ASB18: variants seen among roughly 807,000 people sequenced by gnomAD.
ASB18 encodes ankyrin repeat and SOCS box protein 18.
Under a neutral mutation model 33.4 loss-of-function variants are expected in ASB18, and 33 were observed. The ratio of observed to expected loss-of-function variants is 0.99; its 90% CI spans 0.75 to 1.32. The LOEUF (loss-of-function observed/expected upper bound fraction) is 1.32, where lower values mean the gene tolerates loss of function less well. Ranked by LOEUF, ASB18 falls within the 40% of genes most tolerant of loss-of-function variation. The probability of loss-of-function intolerance (pLI) is 0.00; values close to 1 mark genes in which losing one functional copy is unlikely to be tolerated. For missense variants in ASB18, 694 were observed against 655.5 expected, an observed-to-expected ratio of 1.06 and a Z score of -0.64; for synonymous variants, 295 against 307.6, an observed-to-expected ratio of 0.96 and a Z score of 0.43.
In ASB18 at chr2:236,214,647, G is replaced by A. The variant is rs1426370635; in HGVS notation, c.816C>T (p.Cys272=). 3.4e-6 allele frequency: 4 copies of A among 1,162,810 alleles called. No homozygotes were observed. The highest frequency in any genetic ancestry group is 3.3e-5 in the African/African-American group (2 of 60,944). The allele number at this position is 1,162,810 out of a possible 1,614,324, so 72.0% of individuals were successfully genotyped here. A position where few individuals can be genotyped will look rare whatever the true frequency, so the allele number is the denominator to read the frequency against. ...GCAGCAGCAGCGCGCACAGGCGCAG[G>A]CAGCGCCCGTGCTCGTCGGGCCTCC... ...AARRPDEHGR[C]LRLCALLLRR... Residue 272 remains cysteine (C), a synonymous_variant, in exon 4 of 6, where the codon TGC becomes TGT. Coordinates refer to ENST00000409749, the MANE Select transcript of ASB18 (RefSeq NM_212556.4). The surrounding 1 kb of genome is among the most constrained non-coding windows in gnomAD (Gnocchi z 6.5).
intron 1 of ASB18, among the ~76,000 whole-genome samples, chr2:236,243,393 A>G (rs1037150131): frequency 1.3e-5 from 2 of 151,226 alleles, no homozygotes; most frequent in Non-Finnish European, 2.9e-5. Flanking sequence ...TCTCGGTTTG[A>G]AGAGTGTCTT....
In ASB18 at chr2:236,211,421, C is replaced by T. The variant is rs1039960251; in HGVS notation, c.1101+2941G>A. 6.6e-5 allele frequency among the ~76,000 whole-genome samples: 10 copies of T among 152,242 alleles called. No homozygotes were observed. Among genetic ancestry groups the T allele is most frequent in the South Asian group, 4.1e-4 (2 of 4,834 alleles). ...GGAAGGATGCCCTGTGTCCGCCTGC[C>T]GCGACGATGGTGCCTTTGTCTGGGC... On this transcript the variant is annotated intron_variant, in intron 4 of 5. Transcript: ENST00000409749. The surrounding 1 kb of genome is among the most constrained non-coding windows in gnomAD (Gnocchi z 5.0).
Position 236,194,912 on chromosome 2 carries a change from T to C in ASB18, c.1361A>G (p.Gln454Arg). 6.2e-7 allele frequency: 1 copy of C among 1,613,794 alleles called. No individual in the cohort carries two copies. Among genetic ancestry groups the C allele is most frequent in the Non-Finnish European group, 8.5e-7 (1 of 1,179,828 alleles). ...CTGTGGCTCCAAAAGTAGGTAATTC[T>C]GCAGGGGCTTTGGCAAGGGTAACAG... Reference protein sequence around the residue: ...IPLLPLPKPLQNYLLLEPQGV... With the variant: ...IPLLPLPKPLRNYLLLEPQGV... The change falls in exon 6 of 6, where the codon CAG becomes CGG. Residue 454 changes from glutamine (Q) to arginine (R), a missense_variant. Transcript: ENST00000409749. The surrounding 1 kb of genome is among the most constrained non-coding windows in gnomAD (Gnocchi z 4.5).
At chr2:236,197,857 G>A (rs920072815) in intron 4 of ASB18, among the ~76,000 whole-genome samples, 2 of 151,546 alleles carry the variant, frequency 1.3e-5, no homozygotes, top group African/African-American at 2.4e-5. Context: ...ATTCAGATTC[G>A]ATTTTGGAGA....
At chr2:236,201,013 T>C (rs950964433) in intron 4 of ASB18, among the ~76,000 whole-genome samples, 6 of 152,220 alleles carry the variant, frequency 3.9e-5, no homozygotes, top group Admixed American at 6.5e-5. Flanking sequence ...AACATTTTTT[T>C]CCTAGAGTCA....
rs2060608453 is a variant in ASB18, at chr2:236,238,761, T to G, written c.329-805A>C. Among the ~76,000 whole-genome samples, 1 of 152,132 alleles carries G rather than the reference T, an allele frequency of 6.6e-6. No individual in the cohort carries two copies. The highest frequency in any genetic ancestry group is 1.5e-5 in the Non-Finnish European group (1 of 68,026). ...GGAGCGCTCGTGGAAATGGGGGATGTAGTCCCTGGTGAATACACATCAAGG... is the reference window on the plus strand; with the variant it reads ...GGAGCGCTCGTGGAAATGGGGGATGGAGTCCCTGGTGAATACACATCAAGG... On this transcript the variant is annotated intron_variant, in intron 2 of 5. Transcript: ENST00000409749. This position sits in a 1 kb window ranked among gnomAD's most constrained non-coding sequence, Gnocchi z 5.2.
In ASB18 at chr2:236,216,643, G is replaced by A. The variant is rs1040651614; in HGVS notation, c.597-1777C>T. 1.3e-5 allele frequency among the ~76,000 whole-genome samples: 2 copies of A among 152,152 alleles called. No homozygotes were observed. The highest frequency in any genetic ancestry group is 2.9e-5 in the Non-Finnish European group (2 of 68,040). On this transcript the variant is annotated intron_variant, in intron 3 of 5. Transcript: ENST00000409749. This position sits in a 1 kb window ranked among gnomAD's most constrained non-coding sequence, Gnocchi z 6.1. The stretch of plus-strand genomic sequence containing the variant: ...CCCAGTGTCACTGTCCTTTGTTGAG[G>A]CCACATCGTTTCTCGGAATGCTTAT...
rs1234943130 is a variant in ASB18, at chr2:236,215,666, A to G, written c.597-800T>C. Among the ~76,000 whole-genome samples the G allele has an allele frequency of 1.3e-5, 2 of 152,074 alleles. No individual in the cohort carries two copies. The highest frequency in any genetic ancestry group is 2.9e-5 in the Non-Finnish European group (2 of 68,010). ...CCCATCCCCTGGGGGCACTCTAAACAGCTCAGCCTAGGCTCAGATGCCTGG... is the reference window on the plus strand; with the variant it reads ...CCCATCCCCTGGGGGCACTCTAAACGGCTCAGCCTAGGCTCAGATGCCTGG... On this transcript the variant is annotated intron_variant, in intron 3 of 5. Coordinates refer to ENST00000409749, the MANE Select transcript of ASB18 (RefSeq NM_212556.4). The surrounding 1 kb of genome is among the most constrained non-coding windows in gnomAD (Gnocchi z 7.2).
At chr2:236,233,282 G>T (rs1055078317) in intron 3 of ASB18, among the ~76,000 whole-genome samples, 1 of 152,022 alleles carries the variant, frequency 6.6e-6, no homozygotes, top group African/African-American at 2.4e-5. Context: ...ACAGAAGGGA[G>T]TTCTGTATCT....
In ASB18 at chr2:236,262,579, G is replaced by A. The variant is rs1179786843; in HGVS notation, c.205+1562C>T. The stretch of plus-strand genomic sequence containing the variant: ...CCAGAGGGCAAGTGGGACTGATGCA[G>A]TTTGCAGAGATCAGCCTCGGGGGGG... On this transcript the variant is annotated intron_variant, in intron 1 of 5. Coordinates refer to ENST00000409749, the MANE Select transcript of ASB18 (RefSeq NM_212556.4). This position sits in a 1 kb window ranked among gnomAD's most constrained non-coding sequence, Gnocchi z 5.2. 6.6e-6 allele frequency among the ~76,000 whole-genome samples: 1 copy of A among 152,246 alleles called. No individual in the cohort carries two copies. Among genetic ancestry groups the A allele is most frequent in the Non-Finnish European group, 1.5e-5 (1 of 68,046 alleles).
rs1559332175 is a variant in ASB18 at position 236,223,809 on chromosome 2, C to T, written c.597-8943G>A. On this transcript the variant is annotated intron_variant, in intron 3 of 5. Coordinates refer to ENST00000409749, the MANE Select transcript of ASB18 (RefSeq NM_212556.4). The surrounding 1 kb of genome is among the most constrained non-coding windows in gnomAD (Gnocchi z 4.6). ...GTATCTGGCTTCTTTTGCTCAGCAT[C>T]ATGCTGTTCACATTCATCCATACTG... is the stretch of plus-strand genomic sequence containing the variant. Among the ~76,000 whole-genome samples the T allele has an allele frequency of 6.6e-6, 1 of 152,186 alleles. No homozygotes were observed. Among genetic ancestry groups the T allele is most frequent in the Non-Finnish European group, 1.5e-5 (1 of 68,030 alleles).
rs1298135128 is a variant in ASB18, at chr2:236,239,972, A to G, written c.328+1308T>C. Among the ~76,000 whole-genome samples the G allele has an allele frequency of 6.6e-6, 1 of 152,200 alleles. No individual in the cohort carries two copies. Among genetic ancestry groups the G allele is most frequent in the Non-Finnish European group, 1.5e-5 (1 of 68,034 alleles). On this transcript the variant is annotated intron_variant, in intron 2 of 5. Transcript: ENST00000409749. This position sits in a 1 kb window ranked among gnomAD's most constrained non-coding sequence, Gnocchi z 5.6. ...TCCGGGCTGCCGTTTCCTCAGTACCAGCCCACATCCCTTTGCTGTGGGCGT... is the reference window on the plus strand; with the variant it reads ...TCCGGGCTGCCGTTTCCTCAGTACCGGCCCACATCCCTTTGCTGTGGGCGT...
chr2:236,241,290 A>G lies in ASB18; in HGVS notation c.318T>C (p.Phe106=). 1 of 1,613,922 alleles carries G rather than the reference A, an allele frequency of 6.2e-7. No individual in the cohort carries two copies. ...AAAGAACAAGGGTACCTGATAGTCC[A>G]AACGTGGCTGGAGATTTCACCTGCC... is the stretch of plus-strand genomic sequence containing the variant. ...MEWQVKSPAT[F]GLSGLWTLEY... is the part of the protein sequence containing the mutation. Residue 106 remains phenylalanine, a synonymous_variant, in exon 2 of 6, where the codon TTT becomes TTC. Transcript: ENST00000409749. This position sits in a 1 kb window ranked among gnomAD's most constrained non-coding sequence, Gnocchi z 4.2.
rs2060451680 is a variant in ASB18 at position 236,209,902 on chromosome 2, G to GC, written c.1101+4459dup. ...GTGCCTGTCCTGCTCCAGGACATTT[G>GC]CCCAGGACGTCTGTCTAGAATGTTT... On this transcript the variant is annotated intron_variant, in intron 4 of 5. Transcript: ENST00000409749. This position sits in a 1 kb window ranked among gnomAD's most constrained non-coding sequence, Gnocchi z 4.4. 6.6e-6 allele frequency among the ~76,000 whole-genome samples: 1 copy of GC among 152,094 alleles called. No homozygotes were observed. Among genetic ancestry groups the GC allele is most frequent in the African/African-American group, 2.4e-5 (1 of 41,412 alleles).
At chr2:236,207,882 A>C (rs1474626950) in intron 4 of ASB18, among the ~76,000 whole-genome samples, 1 of 150,950 alleles carries the variant, frequency 6.6e-6, no homozygotes, top group Non-Finnish European at 1.5e-5. Flanking sequence ...CGTGCAGCAG[A>C]AGGACATTGG....
At position 236,214,199 on chromosome 2, in the gene ASB18, T is replaced by C; in HGVS notation, c.1101+163A>G. 1.4e-6 allele frequency: 1 copy of C among 739,490 alleles called. No individual in the cohort carries two copies. Among genetic ancestry groups the C allele is most frequent in the Non-Finnish European group, 2.1e-6 (1 of 479,076 alleles). The allele number at this position is 739,490 out of a possible 1,614,324, so 45.8% of individuals were successfully genotyped here. On this transcript the variant is annotated intron_variant, in intron 4 of 5. Transcript: ENST00000409749. This position sits in a 1 kb window ranked among gnomAD's most constrained non-coding sequence, Gnocchi z 6.5. ...CCGGGAGCTTGTTGGCAATGCAGGC[T>C]CTCCCACCCCAGACCGGCAGAGCAG...
rs1002568642 is a variant in ASB18, at chr2:236,239,706, C to G, written c.328+1574G>C. Among the ~76,000 whole-genome samples the G allele has an allele frequency of 2.0e-5, 3 of 152,248 alleles. No homozygotes were observed. The South Asian group carries it at 6.2e-4, about 32-fold the overall frequency. ...CACCGAGGTGGTGGCCACTGGGGAC[C>G]TGCTCCCTGTACTCAGATCAATCCC... On this transcript the variant is annotated intron_variant, in intron 2 of 5. Transcript: ENST00000409749. This position sits in a 1 kb window ranked among gnomAD's most constrained non-coding sequence, Gnocchi z 5.6.
chr2:236,227,175 A>C (rs2060544822), intron 3 of ASB18, among the ~76,000 whole-genome samples: 1 of 152,192 alleles, frequency 6.6e-6, no homozygotes, highest in Non-Finnish European at 1.5e-5. Flanking sequence ...CCTGACTTGG[A>C]ATATCATCAA....
At chr2:236,227,830 A>G (rs904390369) in intron 3 of ASB18, among the ~76,000 whole-genome samples, 1 of 152,232 alleles carries the variant, frequency 6.6e-6, no homozygotes, top group Non-Finnish European at 1.5e-5. Context: ...CTCCATGCAT[A>G]CAATATATCT....
Sources: gnomAD v4.1 joint callset for allele counts (sites outside exome capture counted in the v4.1 genomes callset) on GRCh38, gnomAD v4.1.1 for gene constraint, Gnocchi (gnomAD v3.1) non-coding constraint, MANE v1.5 for transcripts, NCBI Gene and HGNC (gene_info 2026-07-23, HGNC 2026-07-21) for gene names.